The following UBR2 variants were observed in gnomAD, a reference collection of about 807,000 sequenced individuals.
The protein encoded by UBR2 is ubiquitin protein ligase E3 component n-recognin 2, also known as E3 ubiquitin-protein ligase UBR2.
Under a neutral mutation model 247.9 loss-of-function variants are expected in UBR2, and 92 were observed. The observed-to-expected ratio is 0.37, with a 90% CI of 0.31 to 0.44. The LOEUF (loss-of-function observed/expected upper bound fraction) is 0.44, where lower values mean the gene tolerates loss of function less well. UBR2 is among the 20% of genes least tolerant of loss of function. The pLI is 1.00. For missense variants in UBR2, 1,613 were observed against 2,112.6 expected (o/e 0.76, Z 4.64); for synonymous variants, 672 against 693.5 (o/e 0.97, Z 0.49).
chr6:42,585,966 A>C (rs1001580280), intron 2 of UBR2, among the ~76,000 whole-genome samples: 1 of 152,174 alleles, frequency 6.6e-6, no homozygotes, highest in Non-Finnish European at 1.5e-5. Flanking sequence ...TTAGAAGTGC[A>C]TTGCTAAACT....
chr6:42,663,510 C>A, intron 32 of UBR2, 91 bp downstream of exon 32: 2 of 1,312,886 alleles, frequency 1.5e-6, no homozygotes, highest in Non-Finnish European at 2.1e-6. Context: ...TTAGTCTAGG[C>A]AATTGCATAG....
rs748927987 is a variant in UBR2, at chr6:42,691,053, A to G, written c.5148A>G (p.Leu1716=). ...QGLRRGNPLH[L]CKERFKKIQK... ...CTAGACGGGGAAATCCTTTACATTTATGCAAAGAGCGATTCAAGAAGATTC... is the reference window on the plus strand; with the variant it reads ...CTAGACGGGGAAATCCTTTACATTTGTGCAAAGAGCGATTCAAGAAGATTC... The change falls in exon 47 of 47, where the codon TTA becomes TTG. Residue 1716 remains leucine, a synonymous_variant. Coordinates refer to ENST00000372901, the MANE Select transcript of UBR2 (RefSeq NM_001363705.2). 2 of 1,614,116 alleles carry G rather than the reference A, an allele frequency of 1.2e-6. No individual in the cohort carries two copies. Among genetic ancestry groups the G allele is most frequent in the East Asian group, 4.5e-5 (2 of 44,888 alleles).
rs1223665193 is a variant in UBR2 at position 42,640,256 on chromosome 6, G to A, written c.1906G>A (p.Glu636Lys). ...SKSEVAYKFP[E>K]LLPLSELSPP... ...AAGTGAAGTGGCATATAAATTTCCA[G>A]AGCTCCTACCTCTAGTAAGTGGTGC... Residue 636 changes from glutamate to lysine, a missense_variant, in exon 16 of 47, where the codon GAG becomes AAG. Physicochemically the swap from Glu to Lys is moderately conservative, Grantham distance 56. This residue lies in a region of UBR2 where 1,524 missense variants were observed against 1,967.3 expected (regional missense o/e 0.77). Transcript: ENST00000372901. 1 of 1,607,880 alleles carries A rather than the reference G, an allele frequency of 6.2e-7. No individual in the cohort carries two copies. Among genetic ancestry groups the A allele is most frequent in the South Asian group, 1.1e-5 (1 of 89,492 alleles).
At position 42,658,315 on chromosome 6, in the gene UBR2, G is replaced by C. The variant is rs1582665758; in HGVS notation, c.3058G>C (p.Glu1020Gln). The C allele has an allele frequency of 6.2e-7, 1 of 1,613,478 alleles. No homozygotes were observed. Among genetic ancestry groups the C allele is most frequent in the African/African-American group, 1.3e-5 (1 of 74,984 alleles). ...GGCAGAGACAGAAGGAACCATAATGGAAGAGGTATAAACAGTAAAAAGTGT... is the reference window on the plus strand; with the variant it reads ...GGCAGAGACAGAAGGAACCATAATGCAAGAGGTATAAACAGTAAAAAGTGT... Reference protein sequence around the residue: ...PVAETEGTIMEESSRDKDKAE... With the variant: ...PVAETEGTIMQESSRDKDKAE... The change falls in exon 28 of 47, where the codon GAA becomes CAA. Residue 1020 changes from glutamate (E) to glutamine (Q), a missense_variant. Glu to Gln is a conservative substitution (Grantham distance 29). Coordinates refer to ENST00000372901, the MANE Select transcript of UBR2 (RefSeq NM_001363705.2).
chr6:42,673,910 CAT>C (rs1370670009), intron 37 of UBR2, 23 bp downstream of exon 37: 34 of 1,572,752 alleles, frequency 2.2e-5, no homozygotes, highest in East Asian at 1.8e-4. Context: ...ACATTTATAA[CAT>C]GTTGTAATTT....
chr6:42,689,712 G>C lies in UBR2; in HGVS notation c.5126+42G>C, dbSNP rs368035072. 6.4e-7 allele frequency: 1 copy of C among 1,550,542 alleles called. No individual in the cohort carries two copies. Among genetic ancestry groups the C allele is most frequent in the East Asian group, 2.3e-5 (1 of 44,364 alleles). ...AGTTAGCTAACTCAGGGCCTGCAGC[G>C]CCCTTCCGTATGTGGTGACGTCCTG... On this transcript the variant is annotated intron_variant, in intron 46 of 46. Transcript: ENST00000372901. The surrounding 1 kb of genome is among the most constrained non-coding windows in gnomAD (Gnocchi z 4.0).
chr6:42,670,189 C>G lies in UBR2; in HGVS notation c.3979C>G (p.Arg1327Gly). 6.2e-7 allele frequency: 1 copy of G among 1,614,138 alleles called. No homozygotes were observed. Among genetic ancestry groups the G allele is most frequent in the Non-Finnish European group, 8.5e-7 (1 of 1,180,026 alleles). Reference sequence around the variant, plus strand: ...GGTTCATCCCAATGAAGAGGATCCTCGTGTTCCCATAATGTGTTGGGGTAG... The same window carrying G: ...GGTTCATCCCAATGAAGAGGATCCTGGTGTTCCCATAATGTGTTGGGGTAG... ...LKVHPNEEDPRVPIMCWGSCA... is the reference protein window; with the variant it reads ...LKVHPNEEDPGVPIMCWGSCA... Residue 1327 changes from arginine to glycine, a missense_variant, in exon 35 of 47, where the codon CGT (arginine) becomes GGT (glycine). This residue lies in a region of UBR2 where 1,524 missense variants were observed against 1,967.3 expected (regional missense o/e 0.77). Coordinates refer to ENST00000372901, the MANE Select transcript of UBR2 (RefSeq NM_001363705.2).
chr6:42,594,997 TTTA>T (rs1382709304), intron 4 of UBR2, among the ~76,000 whole-genome samples: 2 of 152,172 alleles, frequency 1.3e-5, no homozygotes, highest in Non-Finnish European at 2.9e-5. Flanking sequence ...TAGATTATGT[TTTA>T]TTATTTTTAA....
intron 11 of UBR2, among the ~76,000 whole-genome samples, chr6:42,626,575 G>A (rs1582577646): frequency 6.6e-6 from 1 of 152,262 alleles, no homozygotes; most frequent in East Asian, 1.9e-4. Context: ...ATAGAGTGAG[G>A]TGGATCACTT....
chr6:42,582,864 T>TA (rs34503582), intron 2 of UBR2, among the ~76,000 whole-genome samples: 6 of 151,470 alleles, frequency 4.0e-5, no homozygotes, highest in Non-Finnish European at 5.9e-5. Flanking sequence ...TTTTTAAAAT[T>TA]AAAAAAAAAG....
At chr6:42,690,570 G>T (rs1436468633) in intron 46 of UBR2, among the ~76,000 whole-genome samples, 1 of 152,188 alleles carries the variant, frequency 6.6e-6, no homozygotes, top group Admixed American at 6.5e-5. Flanking sequence ...CTGAAAGATT[G>T]CATCTGAGGA....
At chr6:42,632,068 AAATATATAT>A (rs1266914080) in intron 11 of UBR2, among the ~76,000 whole-genome samples, 1 of 109,114 alleles carries the variant, frequency 9.2e-6, no homozygotes, top group African/African-American at 3.6e-5. Context: ...AAAAAAAAAA[AAATATATAT>A]ATATATATAT....
chr6:42,568,091 A>G (rs1274565779), intron 1 of UBR2, among the ~76,000 whole-genome samples: 1 of 152,146 alleles, frequency 6.6e-6, no homozygotes, highest in Non-Finnish European at 1.5e-5. Context: ...GTTAAGTTTT[A>G]TGTAGAGTTT....
intron 34 of UBR2, among the ~76,000 whole-genome samples, chr6:42,667,651 C>T (rs1582692688): frequency 7.7e-5 from 3 of 38,720 alleles, no homozygotes; most frequent in African/African-American, 1.0e-4. Flanking sequence ...TCAGTTTTGT[C>T]TTTCTTATAG....
At chr6:42,652,428 C>G (rs550872776) in intron 24 of UBR2, 63 bp from the exon 25 acceptor site, 1 of 1,498,144 alleles carries the variant, frequency 6.7e-7, no homozygotes. Flanking sequence ...TCAAAAGTAA[C>G]AAAGAGATAG....
At chr6:42,595,796 C>G (rs1393691277) in intron 4 of UBR2, among the ~76,000 whole-genome samples, 1 of 151,218 alleles carries the variant, frequency 6.6e-6, no homozygotes, top group Non-Finnish European at 1.5e-5. Context: ...ATGACCAAAG[C>G]TTTTGATGTA....
chr6:42,641,115 C>T (rs1322750846), intron 16 of UBR2, among the ~76,000 whole-genome samples: 1 of 152,102 alleles, frequency 6.6e-6, no homozygotes, highest in Non-Finnish European at 1.5e-5. Context: ...GATATCATAG[C>T]CTTGCTAAGT....
At chr6:42,601,206 A>C (rs1047952540) in intron 4 of UBR2, among the ~76,000 whole-genome samples, 3 of 152,204 alleles carry the variant, frequency 2.0e-5, no homozygotes, top group Non-Finnish European at 4.4e-5. Flanking sequence ...GTACCAGGAA[A>C]GCTGAATTTT....
chr6:42,564,657 T>G (rs1182257886), intron 1 of UBR2, among the ~76,000 whole-genome samples: 1 of 152,272 alleles, frequency 6.6e-6, no homozygotes, highest in African/African-American at 2.4e-5. Flanking sequence ...GGCTCTTCCA[T>G]CATACCTCCT....
Sources: gnomAD v4.1 joint callset for allele counts (sites outside exome capture counted in the v4.1 genomes callset) on GRCh38, gnomAD v4.1.1 for gene constraint, gnomAD v4.1.1 regional missense constraint, Gnocchi (gnomAD v3.1) non-coding constraint, MANE v1.5 for transcripts, NCBI Gene and HGNC (gene_info 2026-07-23, HGNC 2026-07-21) for gene names.